Variants in DENND6A observed in about 807,000 individuals in gnomAD.
DENND6A encodes the protein DENN domain containing 6A.
A neutral mutation model predicts 95.5 loss-of-function variants in DENND6A; 43 were observed. The observed-to-expected ratio is 0.45, with a 90% CI of 0.35 to 0.58. The LOEUF (loss-of-function observed/expected upper bound fraction) is 0.58. DENND6A is among the 20% of genes least tolerant of loss of function. The pLI, the probability that DENND6A is intolerant of heterozygous loss-of-function variation, is 0.00. For missense variants in DENND6A, 574 were observed against 736.0 expected, an observed-to-expected ratio of 0.78 and a Z score of 2.55; for synonymous variants, 257 against 260.4, an observed-to-expected ratio of 0.99 and a Z score of 0.13.
At chr3:57,634,814 C>T (rs1244779095) in intron 12 of DENND6A, 45 bp from the exon 13 acceptor site, 7 of 1,434,180 alleles carry the variant, frequency 4.9e-6, no homozygotes, top group Non-Finnish European at 6.5e-6. Flanking sequence ...TCTAATCATA[C>T]ATATTACAAA....
chr3:57,655,313 G>A (rs1393758763), intron 9 of DENND6A, among the ~76,000 whole-genome samples: 4 of 152,150 alleles, frequency 2.6e-5, no homozygotes, highest in Non-Finnish European at 4.4e-5. Flanking sequence ...GATTACAGGC[G>A]TGAGCCACTG....
At chr3:57,637,805 CA>C (rs1179151185) in intron 12 of DENND6A, among the ~76,000 whole-genome samples, 59 of 58,196 alleles carry the variant, frequency 1.0e-3, no homozygotes, top group East Asian at 5.9e-3. Flanking sequence ...CAGAAGAAAA[CA>C]AAAAAAATAA....
At chr3:57,664,930 G>C (rs1031858727) in intron 4 of DENND6A, among the ~76,000 whole-genome samples, 4 of 152,182 alleles carry the variant, frequency 2.6e-5, no homozygotes, top group African/African-American at 9.7e-5. Context: ...AAAAAGTAAA[G>C]ATTTCATGGA....
rs2077285911 is a variant in DENND6A at position 57,692,996 on chromosome 3, C to T, written c.23G>A (p.Gly8Asp). MALRGPA[G>D]LGPGSRRPLD... ...CGGCCTTCGAGAGCCGGGCCCCAAGCCCGCAGGGCCCCTCAAAGCCATCGG... is the reference window on the plus strand; with the variant it reads ...CGGCCTTCGAGAGCCGGGCCCCAAGTCCGCAGGGCCCCTCAAAGCCATCGG... The change falls in exon 1 of 20, where the codon GGC (glycine) becomes GAC (aspartate). Residue 8 changes from glycine to aspartate, a missense_variant. Physicochemically the swap from Gly to Asp is moderately conservative, Grantham distance 94. Coordinates refer to ENST00000311128, the MANE Select transcript of DENND6A (RefSeq NM_152678.3). The T allele has an allele frequency of 1.3e-6, 2 of 1,503,596 alleles. No individual in the cohort carries two copies. The highest frequency in any genetic ancestry group is 2.2e-5 in the Admixed American group (1 of 44,696). 93.1% of individuals were successfully genotyped at this position (1,503,596 alleles called of 1,614,324 possible). A position where few individuals can be genotyped will look rare whatever the true frequency, so the allele number is the denominator to read the frequency against.
rs150271072 is a variant in DENND6A, at chr3:57,645,673, C to T, written c.1025G>A (p.Arg342His). ...HDSEFKEYTTRTQAPPSVILG... is the reference protein window; with the variant it reads ...HDSEFKEYTTHTQAPPSVILG... Reference sequence around the variant, plus strand: ...TATTTTTACTTACGGAGCTTGGGTACGGGTAGTATATTCTTTGAATTCACT... The same window carrying T: ...TATTTTTACTTACGGAGCTTGGGTATGGGTAGTATATTCTTTGAATTCACT... Residue 342 changes from arginine to histidine, a missense_variant, in exon 11 of 20, where the codon CGT (arginine) becomes CAT (histidine). Coordinates refer to ENST00000311128, the MANE Select transcript of DENND6A (RefSeq NM_152678.3). The T allele has an allele frequency of 2.6e-3, 4,166 of 1,610,076 alleles. 11 individuals are homozygous for T. The highest frequency in any genetic ancestry group is 3.0e-3 in the Non-Finnish European group (3,567 of 1,177,614).
intron 15 of DENND6A, 63 bp downstream of exon 15, chr3:57,633,202 A>G: frequency 1.4e-6 from 2 of 1,392,084 alleles, no homozygotes; most frequent in South Asian, 2.4e-5. Flanking sequence ...GGAGGGCGGG[A>G]AAAACATTTA....
chr3:57,638,037 G>C (rs1461715714), intron 12 of DENND6A, among the ~76,000 whole-genome samples: 1 of 151,886 alleles, frequency 6.6e-6, no homozygotes, highest in Non-Finnish European at 1.5e-5. Context: ...GGGAGGCTGA[G>C]ACAGGAGAAT....
chr3:57,653,227 T>G (rs2071246717), intron 9 of DENND6A, among the ~76,000 whole-genome samples: 6 of 152,186 alleles, frequency 3.9e-5, no homozygotes, highest in Admixed American at 3.9e-4. Context: ...CAACTGACTT[T>G]AATAGTGGGA....
chr3:57,681,634 AAAAG>A (rs1241148120), intron 1 of DENND6A, among the ~76,000 whole-genome samples: 25 of 151,636 alleles, frequency 1.6e-4, no homozygotes, highest in African/African-American at 4.1e-4. Context: ...AAAAAAAAAA[AAAAG>A]AAAGAAAGAA....
intron 11 of DENND6A, among the ~76,000 whole-genome samples, chr3:57,643,599 G>A (rs1169437685): frequency 1.3e-5 from 2 of 151,818 alleles, no homozygotes; most frequent in Non-Finnish European, 1.5e-5. Context: ...AGGCTGAGGC[G>A]GGTGGATCAC....
chr3:57,627,051 T>C lies in DENND6A; in HGVS notation c.*1163A>G, dbSNP rs1251755765. ...ATAAGAATAGTTCAGTTTAAAAAAA[T>C]AGCTGATTATGAGATTTATAATTAA... is the stretch of plus-strand genomic sequence containing the variant. On this transcript the variant is annotated 3_prime_UTR_variant, in exon 20 of 20. Coordinates refer to ENST00000311128, the MANE Select transcript of DENND6A (RefSeq NM_152678.3). 6.6e-6 allele frequency: 1 copy of C among 152,204 alleles called. No individual in the cohort carries two copies. The highest frequency in any genetic ancestry group is 2.4e-5 in the African/African-American group (1 of 41,458). 9.4% of individuals were successfully genotyped at this position (152,204 alleles called of 1,614,324 possible). A position where few individuals can be genotyped will look rare whatever the true frequency, so the allele number is the denominator to read the frequency against.
At position 57,656,365 on chromosome 3, in the gene DENND6A, T is replaced by G. The variant is rs996989062; in HGVS notation, c.818+1315A>C. ...CATGTATCAACTGTTCCTTCTTTTT[T>G]TTAACTGCTGAATAGTATTCCATGT... is the stretch of plus-strand genomic sequence containing the variant. On this transcript the variant is annotated intron_variant, in intron 9 of 19. Transcript: ENST00000311128. 3.3e-5 allele frequency among the ~76,000 whole-genome samples: 5 copies of G among 152,354 alleles called. No homozygotes were observed. In the East Asian group the frequency reaches 7.7e-4, roughly 24 times the overall value.
At chr3:57,660,028 A>G (rs1271091717) in intron 7 of DENND6A, among the ~76,000 whole-genome samples, 1 of 152,222 alleles carries the variant, frequency 6.6e-6, no homozygotes, top group African/African-American at 2.4e-5. Flanking sequence ...GGATGCCATG[A>G]GATCAGAGGT....
chr3:57,639,320 T>G (rs2070873756), intron 12 of DENND6A, among the ~76,000 whole-genome samples: 1 of 152,210 alleles, frequency 6.6e-6, no homozygotes, highest in Non-Finnish European at 1.5e-5. Context: ...GGTAAGAATG[T>G]AAACTGATGG....
chr3:57,644,148 T>G (rs1051053484), intron 11 of DENND6A, among the ~76,000 whole-genome samples: 1 of 117,506 alleles, frequency 8.5e-6, no homozygotes, highest in African/African-American at 3.4e-5. Flanking sequence ...AGACTCCATC[T>G]CAAAAAAAAA....
At chr3:57,649,775 C>T (rs917959691) in intron 9 of DENND6A, among the ~76,000 whole-genome samples, 4 of 151,772 alleles carry the variant, frequency 2.6e-5, no homozygotes, top group Non-Finnish European at 2.9e-5. Flanking sequence ...ACCCTGCTCA[C>T]TCTCTGATTC....
intron 3 of DENND6A, among the ~76,000 whole-genome samples, chr3:57,669,784 G>T (rs1276382904): frequency 1.3e-5 from 2 of 151,418 alleles, no homozygotes; most frequent in African/African-American, 4.9e-5. Context: ...CACTTTGGAA[G>T]CCTGAGGCAG....
At position 57,628,212 on chromosome 3, in the gene DENND6A, TATC is replaced by T; in HGVS notation, c.1826_*1del. On this transcript the variant is annotated stop_lost and 3_prime_UTR_variant, in exon 20 of 20. Coordinates refer to ENST00000311128, the MANE Select transcript of DENND6A (RefSeq NM_152678.3). ...TTTTTGGCTGGAAAATCTTGGCAAA[TATC>T]ATGTCATGCCCGTTTTGAGCAGTAT... 6.2e-7 allele frequency: 1 copy of T among 1,610,912 alleles called. No homozygotes were observed. Among genetic ancestry groups the T allele is most frequent in the Non-Finnish European group, 8.5e-7 (1 of 1,178,760 alleles).
intron 15 of DENND6A, among the ~76,000 whole-genome samples, chr3:57,632,206 A>G (rs2070698852): frequency 1.5e-5 from 2 of 134,648 alleles, no homozygotes; most frequent in Admixed American, 7.6e-5. Flanking sequence ...TTTTTAGTAG[A>G]GACGAGACGG....
Sources: gnomAD v4.1 joint callset for allele counts (sites outside exome capture counted in the v4.1 genomes callset) on GRCh38, gnomAD v4.1.1 for gene constraint, MANE v1.5 for transcripts, NCBI Gene and HGNC (gene_info 2026-07-23, HGNC 2026-07-21) for gene names.